Variants in TENM2 observed in about 807,000 individuals in gnomAD.
The protein encoded by TENM2 is teneurin-2.
Under a neutral mutation model 245.2 loss-of-function variants are expected in TENM2, and 52 were observed. The observed-to-expected ratio is 0.21, with a 90% confidence interval of 0.17 to 0.27. The LOEUF (loss-of-function observed/expected upper bound fraction) is 0.27, where lower values mean the gene tolerates loss of function less well. Among genes scored for constraint, TENM2 ranks in the 10% least tolerant of loss-of-function variants. The probability of loss-of-function intolerance (pLI) is 1.00; values close to 1 mark genes in which losing one functional copy is unlikely to be tolerated. For synonymous variants in TENM2, 1,363 were observed against 1,438.9 expected, an observed-to-expected ratio of 0.95 and a Z score of 1.19; for missense variants, 3,046 against 3,666.8, an observed-to-expected ratio of 0.83 and a Z score of 4.37.
intron 2 of TENM2, among the ~76,000 whole-genome samples, chr5:167,676,417 A>G (rs1561662219): frequency 6.6e-6 from 1 of 152,088 alleles, no homozygotes; most frequent in Admixed American, 6.6e-5. Flanking sequence ...CTGGGTGAAA[A>G]GGGAAAACTC....
At chr5:167,628,121 T>A (rs1778633112) in intron 2 of TENM2, among the ~76,000 whole-genome samples, 2 of 152,172 alleles carry the variant, frequency 1.3e-5, no homozygotes, top group Non-Finnish European at 2.9e-5. Flanking sequence ...GTCACCAACT[T>A]GAAACCTGAG....
the TENM2 span, among the ~76,000 whole-genome samples, chr5:167,121,458 A>G: frequency 1.3e-5 from 2 of 152,208 alleles, no homozygotes; most frequent in Admixed American, 6.5e-5. Context: ...CAAAGACCCT[A>G]AAGCTAAAAG....
exon 18 of TENM2, chr5:168,203,705 A>G: frequency 6.2e-7 from 1 of 1,610,188 alleles, no homozygotes; most frequent in Non-Finnish European, 8.5e-7. Flanking sequence ...TCGGGTTTGA[A>G]TATGAGACCT....
the TENM2 span, chr5:167,165,087 C>T: frequency 6.6e-6 from 1 of 152,168 alleles, no homozygotes; most frequent in East Asian, 1.9e-4. Flanking sequence ...AATATTACTT[C>T]TTTGTAGATA....
chr5:167,418,863 T>C (rs1281429920), intron 2 of TENM2, among the ~76,000 whole-genome samples: 2 of 152,102 alleles, frequency 1.3e-5, no homozygotes, highest in Non-Finnish European at 2.9e-5. Flanking sequence ...TTACATCCTA[T>C]CCCTTGGCAT....
intron 4 of TENM2, among the ~76,000 whole-genome samples, chr5:167,964,530 G>A (rs914218068): frequency 1.1e-4 from 16 of 152,144 alleles, no homozygotes; most frequent in Admixed American, 5.9e-4. Flanking sequence ...CTGAGGATCC[G>A]GCAAAGGAGA....
intron 2 of TENM2, among the ~76,000 whole-genome samples, chr5:167,699,432 T>G (rs1159946875): frequency 6.6e-6 from 1 of 152,072 alleles, no homozygotes; most frequent in Non-Finnish European, 1.5e-5. Context: ...CTCGGCTTAT[T>G]TTACCTTATT....
chr5:168,136,929 T>A lies in TENM2; in HGVS notation c.2422+9963T>A, dbSNP rs569361903. Among the ~76,000 whole-genome samples, 17 of 152,190 alleles carry A rather than the reference T, an allele frequency of 1.1e-4. 1 individual carries two copies. The highest frequency in any genetic ancestry group is 1.9e-4 in the East Asian group (1 of 5,196). The stretch of plus-strand genomic sequence containing the variant: ...AATGCAAGAGCCCCTGTGATCTCCC[T>A]CCTTCATAATAATCGCATCCCAGTT... On this transcript the variant is annotated intron_variant, in intron 12 of 28. Transcript: ENST00000518659.
At position 167,304,455 on chromosome 5, in the gene TENM2, A is replaced by T. The variant is rs577519024; in HGVS notation, c.226+19392A>T. The stretch of plus-strand genomic sequence containing the variant: ...GACGTTTGGCAGCTAATTCATTTTT[A>T]AAAGTCACTGTGTAGAACAAAACAA... On this transcript the variant is annotated intron_variant, in intron 1 of 28. Transcript: ENST00000518659. 5.3e-5 allele frequency among the ~76,000 whole-genome samples: 8 copies of T among 152,346 alleles called. No individual in the cohort carries two copies. In the East Asian group the frequency reaches 1.5e-3, roughly 29 times the overall value.
At chr5:167,594,785 C>T (rs1776093317) in intron 2 of TENM2, among the ~76,000 whole-genome samples, 1 of 152,178 alleles carries the variant, frequency 6.6e-6, no homozygotes, top group African/African-American at 2.4e-5. Context: ...TGTCTTCGAT[C>T]ATATGTTATC....
chr5:167,849,966 G>A, intron 2 of TENM2, among the ~76,000 whole-genome samples: 1 of 152,078 alleles, frequency 6.6e-6, no homozygotes, highest in East Asian at 1.9e-4. Flanking sequence ...AGGCCTCAGT[G>A]CAAAGGCAGG....
At chr5:167,365,606 ATGTT>A (rs1281126769) in intron 1 of TENM2, among the ~76,000 whole-genome samples, 1 of 151,986 alleles carries the variant, frequency 6.6e-6, no homozygotes, top group Admixed American at 6.6e-5. Context: ...AAAGTCATAA[ATGTT>A]TGTGAAATTG....
intron 2 of TENM2, among the ~76,000 whole-genome samples, chr5:167,806,896 AACAGTGTGTG>A (rs919452860): frequency 2.6e-5 from 4 of 151,936 alleles, no homozygotes; most frequent in Non-Finnish European, 5.9e-5. Flanking sequence ...TTTTCTGAGT[AACAGTGTGTG>A]ACAGTACACA....
the TENM2 span, among the ~76,000 whole-genome samples, chr5:167,155,936 A>C: frequency 1.3e-5 from 2 of 152,212 alleles, no homozygotes; most frequent in Non-Finnish European, 2.9e-5. Flanking sequence ...CCTGTATTTC[A>C]GTAACTGCTT....
At chr5:167,607,927 A>G (rs1184402390) in intron 2 of TENM2, among the ~76,000 whole-genome samples, 1 of 152,148 alleles carries the variant, frequency 6.6e-6, no homozygotes. Flanking sequence ...TTATTATAAC[A>G]GAAAATGTAC....
chr5:167,697,183 C>G (rs927098738), intron 2 of TENM2, among the ~76,000 whole-genome samples: 3 of 152,134 alleles, frequency 2.0e-5, no homozygotes, highest in South Asian at 2.1e-4. Flanking sequence ...GGGTAAAACC[C>G]CTGTCTGCCT....
chr5:168,060,459 T>C (rs538690764), intron 6 of TENM2, among the ~76,000 whole-genome samples: 1 of 152,228 alleles, frequency 6.6e-6, no homozygotes, highest in African/African-American at 2.4e-5. Context: ...GTTTGCTAAA[T>C]AAACCGTCTA....
the TENM2 span, among the ~76,000 whole-genome samples, chr5:167,233,916 G>A: frequency 6.6e-6 from 1 of 151,178 alleles, no homozygotes; most frequent in African/African-American, 2.4e-5. Context: ...AAGTGAAATG[G>A]TGCTTTAAAA....
chr5:167,331,010 G>A (rs1370619338), intron 1 of TENM2, among the ~76,000 whole-genome samples: 1 of 151,924 alleles, frequency 6.6e-6, no homozygotes, highest in Non-Finnish European at 1.5e-5. Flanking sequence ...GGCCGAGGAG[G>A]GCAGAACATG....
Sources: allele counts gnomAD v4.1 joint callset (sites outside exome capture counted in the v4.1 genomes callset), GRCh38; gene constraint gnomAD v4.1.1; transcripts MANE v1.5; gene names NCBI Gene and HGNC (gene_info 2026-07-23, HGNC 2026-07-21).